CASZ1: variants seen among roughly 807,000 people sequenced by gnomAD.
CASZ1 encodes castor zinc finger 1.
A neutral mutation model predicts 135.2 loss-of-function variants in CASZ1; 28 were observed. That is an observed-to-expected ratio of 0.21 (90% CI 0.15 to 0.28). CASZ1 has a LOEUF of 0.28. CASZ1 is among the 10% of genes least tolerant of loss of function. The pLI is 1.00. For synonymous variants in CASZ1, 1,068 were observed against 1,073.4 expected (o/e 0.99, Z 0.10); for missense variants, 2,161 against 2,453.3 (o/e 0.88, Z 2.52).
In CASZ1 at chr1:10,666,093, T is replaced by C. The variant is rs184807656; in HGVS notation, c.17-522A>G. On this transcript the variant is annotated intron_variant, in intron 4 of 20. Coordinates refer to ENST00000377022, the MANE Select transcript of CASZ1 (RefSeq NM_001079843.3). This position sits in a 1 kb window ranked among gnomAD's most constrained non-coding sequence, Gnocchi z 5.2. The stretch of plus-strand genomic sequence containing the variant: ...AGTCACAGAGAGCCAGGGACCAGCT[T>C]GTGCCAGCCTCTTGCCTCACTGTCC... 0.013 allele frequency among the ~76,000 whole-genome samples: 1,944 copies of C among 151,778 alleles called. 46 individuals carry two copies. The highest frequency in any genetic ancestry group is 0.045 in the African/African-American group (1,854 of 41,480).
rs753222080 is a variant in CASZ1, at chr1:10,711,131, G to C, written c.-76-5587C>G. Among the ~76,000 whole-genome samples, 1 of 152,138 alleles carries C rather than the reference G, an allele frequency of 6.6e-6. No individual in the cohort carries two copies. The highest frequency in any genetic ancestry group is 2.4e-5 in the African/African-American group (1 of 41,442). ...GGGCGACAGAGCGAGACTCCGTCTT[G>C]GGGGGAGAAAAAAGAAAAAGACAGC... On this transcript the variant is annotated intron_variant, in intron 2 of 20. Transcript: ENST00000377022. The surrounding 1 kb of genome is among the most constrained non-coding windows in gnomAD (Gnocchi z 4.4).
intron 2 of CASZ1, among the ~76,000 whole-genome samples, chr1:10,718,332 C>T (rs190821638): frequency 6.6e-6 from 1 of 152,384 alleles, no homozygotes; most frequent in East Asian, 1.9e-4. Context: ...CGCCCACACA[C>T]AGCCTGTTGG....
At position 10,719,615 on chromosome 1, in the gene CASZ1, G is replaced by A. The variant is rs1288920498; in HGVS notation, c.-76-14071C>T. Among the ~76,000 whole-genome samples the A allele has an allele frequency of 6.6e-6, 1 of 152,222 alleles. No homozygotes were observed. Among genetic ancestry groups the A allele is most frequent in the Non-Finnish European group, 1.5e-5 (1 of 68,040 alleles). On this transcript the variant is annotated intron_variant, in intron 2 of 20. Coordinates refer to ENST00000377022, the MANE Select transcript of CASZ1 (RefSeq NM_001079843.3). The surrounding 1 kb of genome is among the most constrained non-coding windows in gnomAD (Gnocchi z 4.0). ...CACCTGTAGGGCATGGGGAACGGGG[G>A]CTCAGGTGAGCAGATGCATGACTCA...
rs1310947676 is a variant in CASZ1, at chr1:10,676,527, G to A, written c.17-10956C>T. On this transcript the variant is annotated intron_variant, in intron 4 of 20. Coordinates refer to ENST00000377022, the MANE Select transcript of CASZ1 (RefSeq NM_001079843.3). This position sits in a 1 kb window ranked among gnomAD's most constrained non-coding sequence, Gnocchi z 4.5. ...TCTCCACCATCCTCTGAACAAAGGG[G>A]CTCTCCTCCTGGGCTCCTCCATCTC... 6.6e-6 allele frequency among the ~76,000 whole-genome samples: 1 copy of A among 151,944 alleles called. No homozygotes were observed. The highest frequency in any genetic ancestry group is 2.4e-5 in the African/African-American group (1 of 41,368).
chr1:10,651,226 C>A, intron 11 of CASZ1, 150 bp from the exon 12 acceptor site: 1 of 495,906 alleles, frequency 2.0e-6, no homozygotes, highest in Non-Finnish European at 3.3e-6. Context: ...TCGCTCGCGA[C>A]GCTCGCTCCT....
chr1:10,743,583 C>G (rs1639972363), intron 2 of CASZ1, among the ~76,000 whole-genome samples: 1 of 147,916 alleles, frequency 6.8e-6, no homozygotes, highest in African/African-American at 2.5e-5. Context: ...TATTCATATG[C>G]CAGATGGATT....
At chr1:10,779,365 G>A (rs1640721164) in intron 1 of CASZ1, among the ~76,000 whole-genome samples, 1 of 149,404 alleles carries the variant, frequency 6.7e-6, no homozygotes, top group Non-Finnish European at 1.5e-5. Context: ...CAACACGAAG[G>A]CTGAGTCACC....
At position 10,721,928 on chromosome 1, in the gene CASZ1, GTCTCT is replaced by G. The variant is rs1300120321; in HGVS notation, c.-76-16389_-76-16385del. On this transcript the variant is annotated intron_variant, in intron 2 of 20. Coordinates refer to ENST00000377022, the MANE Select transcript of CASZ1 (RefSeq NM_001079843.3). This position sits in a 1 kb window ranked among gnomAD's most constrained non-coding sequence, Gnocchi z 5.4. The stretch of plus-strand genomic sequence containing the variant: ...GTCCGCCCAGCTGCCACTCCCACCT[GTCTCT>G]TCCTGTGTTTCTCCTGCTGTATCTT... Among the ~76,000 whole-genome samples, 1 of 152,232 alleles carries G rather than the reference GTCTCT, an allele frequency of 6.6e-6. No homozygotes were observed. The highest frequency in any genetic ancestry group is 1.5e-5 in the Non-Finnish European group (1 of 68,048).
intron 2 of CASZ1, among the ~76,000 whole-genome samples, chr1:10,751,028 T>C (rs1224468489): frequency 6.6e-6 from 1 of 151,700 alleles, no homozygotes; most frequent in Admixed American, 6.6e-5. Context: ...AGTGAGCACA[T>C]GGTGAGCACC....
chr1:10,650,503 T>G (rs1642532692), intron 13 of CASZ1, 189 bp downstream of exon 13: 3 of 564,796 alleles, frequency 5.3e-6, no homozygotes, highest in Admixed American at 3.3e-5. Context: ...TTCAGCCAGT[T>G]CATTAAATTA....
intron 4 of CASZ1, among the ~76,000 whole-genome samples, chr1:10,680,574 A>C (rs1359957985): frequency 6.6e-6 from 1 of 151,992 alleles, no homozygotes; most frequent in Non-Finnish European, 1.5e-5. Flanking sequence ...ACTGTGTCAC[A>C]CTCCAGAGCG....
chr1:10,794,128 C>T lies in CASZ1; in HGVS notation c.-234+2436G>A, dbSNP rs969909730. On this transcript the variant is annotated intron_variant, in intron 1 of 20. Coordinates refer to ENST00000377022, the MANE Select transcript of CASZ1 (RefSeq NM_001079843.3). This position sits in a 1 kb window ranked among gnomAD's most constrained non-coding sequence, Gnocchi z 5.6. ...TCAGCCGGGACAGCTCCCTTTAGGACGGCGACGTGTGTGTGTGCGCGTGTG... is the reference window on the plus strand; with the variant it reads ...TCAGCCGGGACAGCTCCCTTTAGGATGGCGACGTGTGTGTGTGCGCGTGTG... 6.6e-6 allele frequency among the ~76,000 whole-genome samples: 1 copy of T among 151,766 alleles called. No homozygotes were observed. The highest frequency in any genetic ancestry group is 2.4e-5 in the African/African-American group (1 of 41,288).
chr1:10,701,842 G>C lies in CASZ1; in HGVS notation c.-24+3650C>G, dbSNP rs150714021. 6.6e-6 allele frequency among the ~76,000 whole-genome samples: 1 copy of C among 152,080 alleles called. No homozygotes were observed. Among genetic ancestry groups the C allele is most frequent in the Admixed American group, 6.5e-5 (1 of 15,286 alleles). ...CCTCCTGCTGAACTAACAGGTGCTCGTCCAGGAGCCGACCTGAGGGAGCCC... is the reference window on the plus strand; with the variant it reads ...CCTCCTGCTGAACTAACAGGTGCTCCTCCAGGAGCCGACCTGAGGGAGCCC... On this transcript the variant is annotated intron_variant, in intron 3 of 20. Coordinates refer to ENST00000377022, the MANE Select transcript of CASZ1 (RefSeq NM_001079843.3). The surrounding 1 kb of genome is among the most constrained non-coding windows in gnomAD (Gnocchi z 6.3).
chr1:10,680,001 G>A (rs1638360761), intron 4 of CASZ1, among the ~76,000 whole-genome samples: 1 of 152,148 alleles, frequency 6.6e-6, no homozygotes, highest in Non-Finnish European at 1.5e-5. Context: ...GGACTCTAGG[G>A]GGTCTGGACT....
At chr1:10,650,315 G>A (rs1642520262) in intron 13 of CASZ1, 1 of 152,938 alleles carries the variant, frequency 6.5e-6, no homozygotes, top group Non-Finnish European at 1.5e-5. Context: ...GGAAATTGAT[G>A]TTTTGCTCCC....
rs115577914 is a variant in CASZ1 at position 10,768,503 on chromosome 1, C to T, written c.-233-7646G>A. On this transcript the variant is annotated intron_variant, in intron 1 of 20. Coordinates refer to ENST00000377022, the MANE Select transcript of CASZ1 (RefSeq NM_001079843.3). ...AAAGTGCTGGAATTAGAGACATGAG[C>T]CACTGCACCTGGCCTATTGTTCATT... Among the ~76,000 whole-genome samples the T allele has an allele frequency of 5.3e-3, 808 of 152,324 alleles. 10 individuals carry two copies. The highest frequency in any genetic ancestry group is 0.019 in the African/African-American group (782 of 41,564).
At chr1:10,766,365 T>C (rs978230053) in intron 1 of CASZ1, among the ~76,000 whole-genome samples, 20 of 152,210 alleles carry the variant, frequency 1.3e-4, no homozygotes, top group African/African-American at 4.6e-4. Context: ...GACTTTAACC[T>C]TTCTGTGCCT....
At chr1:10,642,694 G>T (rs1642244607) in intron 20 of CASZ1, among the ~76,000 whole-genome samples, 165 bp downstream of exon 20, 2 of 152,362 alleles carry the variant, frequency 1.3e-5, no homozygotes, top group African/African-American at 4.8e-5. Context: ...GATGGCGGGA[G>T]GGGCCTCGAT....
intron 1 of CASZ1, among the ~76,000 whole-genome samples, chr1:10,790,025 G>A (rs1640928131): frequency 6.6e-6 from 1 of 152,192 alleles, no homozygotes; most frequent in South Asian, 2.1e-4. Flanking sequence ...TCCTGCTGCT[G>A]GCACACCAGG....
Sources: allele counts gnomAD v4.1 joint callset (sites outside exome capture counted in the v4.1 genomes callset), GRCh38; gene constraint gnomAD v4.1.1; non-coding constraint Gnocchi (gnomAD v3.1); transcripts MANE v1.5; gene names NCBI Gene and HGNC (gene_info 2026-07-23, HGNC 2026-07-21).